NUDCD3: variants seen among roughly 807,000 people sequenced by gnomAD.
NUDCD3 encodes nudC domain-containing protein 3.
Under a neutral mutation model 39.7 loss-of-function variants are expected in NUDCD3, and 13 were observed. The ratio of observed to expected loss-of-function variants is 0.33; its 90% CI spans 0.21 to 0.52. NUDCD3 has a LOEUF of 0.52. Among genes scored for constraint, NUDCD3 ranks in the 20% least tolerant of loss-of-function variants. The probability of loss-of-function intolerance (pLI) is 0.96; values close to 1 mark genes in which losing one functional copy is unlikely to be tolerated. For missense variants in NUDCD3, 453 were observed against 458.1 expected (o/e 0.99, Z 0.10); for synonymous variants, 175 against 172.4 (o/e 1.02, Z -0.12).
chr7:44,443,722 A>G (rs1175473143), intron 2 of NUDCD3, among the ~76,000 whole-genome samples: 1 of 152,144 alleles, frequency 6.6e-6, no homozygotes, highest in Non-Finnish European at 1.5e-5. Flanking sequence ...CCAATTTCAC[A>G]GGACTTCTAA....
intron 3 of NUDCD3, among the ~76,000 whole-genome samples, chr7:44,424,856 A>G (rs1320577351): frequency 6.6e-6 from 1 of 152,222 alleles, no homozygotes; most frequent in Non-Finnish European, 1.5e-5. Context: ...TGTTTACTGC[A>G]GCACTATTTA....
At chr7:44,416,471 G>A (rs898864733) in intron 3 of NUDCD3, among the ~76,000 whole-genome samples, 1 of 151,026 alleles carries the variant, frequency 6.6e-6, no homozygotes, top group Non-Finnish European at 1.5e-5. Flanking sequence ...TAGCCTGGGT[G>A]ACACAGCGAG....
chr7:44,484,817 A>T, intron 2 of NUDCD3, 151 bp downstream of exon 2: 1 of 662,000 alleles, frequency 1.5e-6, no homozygotes, highest in East Asian at 2.7e-5. Context: ...CATAACTGAA[A>T]GACTGTAATG....
chr7:44,485,179 A>T lies in NUDCD3; in HGVS notation c.298T>A (p.Ser100Thr). 6.2e-7 allele frequency: 1 copy of T among 1,614,168 alleles called. No individual in the cohort carries two copies. Among genetic ancestry groups the T allele is most frequent in the Non-Finnish European group, 8.5e-7 (1 of 1,180,012 alleles). ...GGCTCCTTCTCAGCTGCAGCAGCTG[A>T]CACAGTCTTGGCCTCTTCCTCTTCC... ...RKEEEEAKTV[S>T]AAAAEKEPVP... Residue 100 changes from serine to threonine, a missense_variant, in exon 2 of 6, where the codon TCA becomes ACA. Coordinates refer to ENST00000355451, the MANE Select transcript of NUDCD3 (RefSeq NM_015332.4).
intron 2 of NUDCD3, among the ~76,000 whole-genome samples, chr7:44,440,637 G>A (rs1359042378): frequency 6.6e-6 from 1 of 152,024 alleles, no homozygotes; most frequent in Non-Finnish European, 1.5e-5. Flanking sequence ...AGGGGAGGAG[G>A]TTTAAGTCTG....
chr7:44,485,409 T>G (rs554585613), intron 1 of NUDCD3, 125 bp from the exon 2 acceptor site: 1 of 792,114 alleles, frequency 1.3e-6, no homozygotes, highest in African/African-American at 1.7e-5. Context: ...GTTTTCCCAC[T>G]GGCAAAATGG....
intron 2 of NUDCD3, among the ~76,000 whole-genome samples, chr7:44,473,582 T>G (rs186512037): frequency 1.3e-5 from 2 of 152,240 alleles, no homozygotes; most frequent in Non-Finnish European, 2.9e-5. Context: ...CTTTTGTCTG[T>G]GCATGTGTAC....
intron 2 of NUDCD3, chr7:44,467,762 C>T: frequency 3.1e-6 from 2 of 646,650 alleles, no homozygotes; most frequent in Admixed American, 2.9e-5. Flanking sequence ...ATCCTTACAA[C>T]AGCCCTTTAA....
chr7:44,463,108 C>T (rs1402574091), intron 2 of NUDCD3, among the ~76,000 whole-genome samples: 2 of 152,178 alleles, frequency 1.3e-5, no homozygotes, highest in African/African-American at 4.8e-5. Flanking sequence ...CACATGCAGC[C>T]TGGGTGTGTC....
intron 2 of NUDCD3, among the ~76,000 whole-genome samples, chr7:44,475,989 C>CT (rs779156387): frequency 6.6e-5 from 10 of 152,116 alleles, no homozygotes; most frequent in Non-Finnish European, 1.2e-4. Flanking sequence ...AGTGCACACT[C>CT]TGTCAGGAAT....
chr7:44,447,003 A>C (rs1799701066), intron 2 of NUDCD3, among the ~76,000 whole-genome samples: 1 of 152,272 alleles, frequency 6.6e-6, no homozygotes, highest in Non-Finnish European at 1.5e-5. Flanking sequence ...AATGTCAGAA[A>C]GTCATTTCTC....
intron 2 of NUDCD3, among the ~76,000 whole-genome samples, chr7:44,464,708 C>A (rs2116954489): frequency 6.6e-6 from 1 of 152,296 alleles, no homozygotes; most frequent in Non-Finnish European, 1.5e-5. Flanking sequence ...CCCGCCTTGG[C>A]CTCCCAAAGG....
intron 2 of NUDCD3, among the ~76,000 whole-genome samples, chr7:44,465,577 T>A (rs1037509407): frequency 6.6e-6 from 1 of 152,184 alleles, no homozygotes; most frequent in Non-Finnish European, 1.5e-5. Flanking sequence ...AAAAATAAAC[T>A]GTATTAACCA....
Position 44,432,022 on chromosome 7 carries a change from C to T in NUDCD3, c.510-4319G>A, listed in dbSNP as rs142836173. On this transcript the variant is annotated intron_variant, in intron 2 of 5. Coordinates refer to ENST00000355451, the MANE Select transcript of NUDCD3 (RefSeq NM_015332.4). ...CAGGATTAGGCTAGGCTCACACTTG[C>T]AATCAATCTCAGCGATTTGGGAGGC... Among the ~76,000 whole-genome samples, 10 of 152,220 alleles carry T rather than the reference C, an allele frequency of 6.6e-5. No homozygotes were observed. In the East Asian group the frequency reaches 1.9e-3, roughly 29 times the overall value.
chr7:44,484,830 G>T, intron 2 of NUDCD3, 138 bp downstream of exon 2: 1 of 695,968 alleles, frequency 1.4e-6, no homozygotes, highest in Non-Finnish European at 2.4e-6. Context: ...CTGTAATGCA[G>T]CAGTTTACAA....
chr7:44,444,696 C>T (rs954480996), intron 2 of NUDCD3, among the ~76,000 whole-genome samples: 1 of 152,144 alleles, frequency 6.6e-6, no homozygotes, highest in African/African-American at 2.4e-5. Flanking sequence ...GCTCCCACTC[C>T]CCTCTGTGAG....
At chr7:44,486,498 G>C (rs1488388306) in intron 1 of NUDCD3, among the ~76,000 whole-genome samples, 1 of 152,018 alleles carries the variant, frequency 6.6e-6, no homozygotes, top group Non-Finnish European at 1.5e-5. Flanking sequence ...ACAGTGTGGG[G>C]AGATGATGAT....
intron 2 of NUDCD3, among the ~76,000 whole-genome samples, chr7:44,437,421 T>A (rs548884259): frequency 6.6e-6 from 1 of 152,290 alleles, no homozygotes; most frequent in South Asian, 2.1e-4. Flanking sequence ...TCTCAATAAG[T>A]TGTACCAGAA....
chr7:44,488,689 A>C (rs1292866302), intron 1 of NUDCD3, among the ~76,000 whole-genome samples: 1 of 152,130 alleles, frequency 6.6e-6, no homozygotes, highest in Non-Finnish European at 1.5e-5. Context: ...ACGCATTATC[A>C]CTATTCCAGT....
Sources: allele counts gnomAD v4.1 joint callset (sites outside exome capture counted in the v4.1 genomes callset), GRCh38; gene constraint gnomAD v4.1.1; transcripts MANE v1.5; gene names NCBI Gene and HGNC (gene_info 2026-07-23, HGNC 2026-07-21).